CLASP1: variants seen among roughly 807,000 people sequenced by gnomAD.
CLASP1 encodes CLIP-associating protein 1.
A neutral mutation model predicts 192.3 loss-of-function variants in CLASP1; 38 were observed. The ratio of observed to expected loss-of-function variants is 0.20; its 90% CI spans 0.15 to 0.26. The LOEUF is 0.26. CLASP1 is among the 10% of genes least tolerant of loss of function. The pLI, the probability that CLASP1 is intolerant of heterozygous loss-of-function variation, is 1.00. For synonymous variants in CLASP1, 691 were observed against 712.8 expected, an observed-to-expected ratio of 0.97 and a Z score of 0.49; for missense variants, 1,433 against 1,932.5, an observed-to-expected ratio of 0.74 and a Z score of 4.85.
chr2:121,360,363 G>C (rs988920552), intron 37 of CLASP1, among the ~76,000 whole-genome samples: 1 of 152,140 alleles, frequency 6.6e-6, no homozygotes, highest in Non-Finnish European at 1.5e-5. Flanking sequence ...GACTAATAAA[G>C]TAAGTCTAGA....
chr2:121,344,249 T>G (rs938025772), intron 39 of CLASP1, among the ~76,000 whole-genome samples: 16 of 152,162 alleles, frequency 1.1e-4, no homozygotes, highest in African/African-American at 3.9e-4. Context: ...TCTCTCCAAA[T>G]GTACTACAGA....
At chr2:121,410,195 A>C (rs2077494760) in intron 24 of CLASP1, among the ~76,000 whole-genome samples, 1 of 152,212 alleles carries the variant, frequency 6.6e-6, no homozygotes, top group African/African-American at 2.4e-5. Context: ...AATATGCAAG[A>C]GACTGTGTGA....
rs566746929 is a variant in CLASP1 at position 121,566,938 on chromosome 2, C to G, written c.196-36613G>C. Among the ~76,000 whole-genome samples, 12 of 152,352 alleles carry G rather than the reference C, an allele frequency of 7.9e-5. No individual in the cohort carries two copies. In the South Asian group the frequency reaches 2.3e-3, roughly 29 times the overall value. On this transcript the variant is annotated intron_variant, in intron 2 of 39. Coordinates refer to ENST00000263710, the Ensembl canonical transcript of CLASP1. ...CTGCTTAAAAAACAGCTTAACAGCCCTGGTGTGGCCTTCACGCCCTCTGAG... is the reference window on the plus strand; with the variant it reads ...CTGCTTAAAAAACAGCTTAACAGCCGTGGTGTGGCCTTCACGCCCTCTGAG...
intron 1 of CLASP1, among the ~76,000 whole-genome samples, chr2:121,621,538 C>G (rs540575715): frequency 6.6e-6 from 1 of 152,220 alleles, no homozygotes; most frequent in African/African-American, 2.4e-5. Context: ...GTTGTGTGGA[C>G]CTGTACCACC....
At chr2:121,379,457 C>G (rs1463707839) in intron 33 of CLASP1, among the ~76,000 whole-genome samples, 1 of 152,186 alleles carries the variant, frequency 6.6e-6, no homozygotes, top group Admixed American at 6.5e-5. Context: ...CCCGCTCCTT[C>G]TGAGGACACC....
intron 9 of CLASP1, among the ~76,000 whole-genome samples, chr2:121,467,580 T>G (rs1016005511): frequency 6.6e-6 from 1 of 152,250 alleles, no homozygotes; most frequent in Non-Finnish European, 1.5e-5. Context: ...TTTTCATGTT[T>G]GTTGGCTGCA....
At chr2:121,413,907 A>T (rs917275371) in intron 23 of CLASP1, among the ~76,000 whole-genome samples, 1 of 152,106 alleles carries the variant, frequency 6.6e-6, no homozygotes, top group African/African-American at 2.4e-5. Flanking sequence ...CTGTTGTTTT[A>T]ACGTAAATAT....
intron 2 of CLASP1, among the ~76,000 whole-genome samples, chr2:121,543,067 G>T (rs6732282): frequency 0.25 from 37,729 of 152,114 alleles, 7,405 homozygotes; most frequent in African/African-American, 0.54. Flanking sequence ...TGCAGAACAG[G>T]ACTTTTCATT....
chr2:121,522,124 A>G (rs192511492), intron 6 of CLASP1, among the ~76,000 whole-genome samples: 2 of 152,160 alleles, frequency 1.3e-5, no homozygotes, highest in African/African-American at 4.8e-5. Context: ...ATGTCTGTGT[A>G]TGTGTGTGTG....
At chr2:121,572,914 A>G (rs922433909) in intron 2 of CLASP1, among the ~76,000 whole-genome samples, 1 of 152,188 alleles carries the variant, frequency 6.6e-6, no homozygotes, top group African/African-American at 2.4e-5. Flanking sequence ...CTTGGGTCCC[A>G]CTAACCCAGA....
At chr2:121,555,082 G>A (rs2058418089) in intron 2 of CLASP1, among the ~76,000 whole-genome samples, 1 of 152,204 alleles carries the variant, frequency 6.6e-6, no homozygotes, top group Non-Finnish European at 1.5e-5. Context: ...AAGCAACACG[G>A]TCTGTGCAGA....
At chr2:121,434,590 G>A (rs2081995543) in intron 19 of CLASP1, among the ~76,000 whole-genome samples, 1 of 152,066 alleles carries the variant, frequency 6.6e-6, no homozygotes, top group Admixed American at 6.5e-5. Context: ...AAACTCTACT[G>A]ATCCACATTT....
intron 36 of CLASP1, 49 bp from the exon 38 acceptor site, chr2:121,363,349 T>G: frequency 6.2e-7 from 1 of 1,606,600 alleles, no homozygotes; most frequent in Non-Finnish European, 8.5e-7. Flanking sequence ...ACACAGCACT[T>G]TCACACACAG....
At chr2:121,482,509 C>T (rs2092673244) in intron 8 of CLASP1, among the ~76,000 whole-genome samples, 2 of 152,088 alleles carry the variant, frequency 1.3e-5, no homozygotes, top group East Asian at 3.9e-4. Flanking sequence ...AAGAGTATCT[C>T]TAAACATATG....
At chr2:121,581,684 A>G (rs1387134152) in intron 2 of CLASP1, among the ~76,000 whole-genome samples, 1 of 152,180 alleles carries the variant, frequency 6.6e-6, no homozygotes, top group Non-Finnish European at 1.5e-5. Context: ...GAGGAGTTTG[A>G]GACCAGCCTG....
At chr2:121,524,406 T>A (rs768629497) in intron 6 of CLASP1, among the ~76,000 whole-genome samples, 22 of 152,066 alleles carry the variant, frequency 1.4e-4, no homozygotes, top group Non-Finnish European at 2.4e-4. Flanking sequence ...ATATAAAGTA[T>A]GATTAAGTAA....
At chr2:121,459,406 T>C (rs2087404343) in intron 12 of CLASP1, among the ~76,000 whole-genome samples, 1 of 152,146 alleles carries the variant, frequency 6.6e-6, no homozygotes, top group Non-Finnish European at 1.5e-5. Flanking sequence ...TGGCTCCTTT[T>C]TCTTTTTTCT....
intron 7 of CLASP1, among the ~76,000 whole-genome samples, chr2:121,507,517 G>A (rs963739862): frequency 5.3e-5 from 8 of 152,034 alleles, no homozygotes; most frequent in African/African-American, 1.4e-4. Flanking sequence ...AAGGAGATAC[G>A]GTACTTTTCA....
At chr2:121,377,949 T>C (rs2070654670) in intron 33 of CLASP1, among the ~76,000 whole-genome samples, 1 of 152,154 alleles carries the variant, frequency 6.6e-6, no homozygotes, top group South Asian at 2.1e-4. Flanking sequence ...AGGCACGAGA[T>C]AATGAAAGTG....
Sources: allele counts gnomAD v4.1 joint callset (sites outside exome capture counted in the v4.1 genomes callset), GRCh38; gene constraint gnomAD v4.1.1; transcripts MANE v1.5; gene names NCBI Gene and HGNC (gene_info 2026-07-23, HGNC 2026-07-21).